The following MKX variants were observed in gnomAD, a reference collection of about 807,000 sequenced individuals.
MKX encodes the protein mohawk homeobox, also known as homeobox protein Mohawk.
MKX carries 13 observed loss-of-function variants against 36.0 expected under a neutral mutation model. The observed-to-expected ratio is 0.36, with a 90% CI of 0.24 to 0.57. The LOEUF is 0.57. Ranked by LOEUF, MKX falls within the 20% of genes least tolerant of loss-of-function variation. The pLI, the probability that MKX is intolerant of heterozygous loss-of-function variation, is 0.79. For missense variants in MKX, 458 were observed against 456.4 expected, an observed-to-expected ratio of 1.00 and a Z score of -0.03; for synonymous variants, 176 against 178.3, an observed-to-expected ratio of 0.99 and a Z score of 0.10.
intron 5 of MKX, among the ~76,000 whole-genome samples, chr10:27,730,706 C>T (rs1331626975): frequency 6.6e-6 from 1 of 151,846 alleles, no homozygotes; most frequent in Non-Finnish European, 1.5e-5. Flanking sequence ...GATCTGCCTG[C>T]CTCGGCCTCC....
chr10:27,697,663 AT>A (rs1471436701), intron 5 of MKX, among the ~76,000 whole-genome samples: 1 of 152,226 alleles, frequency 6.6e-6, no homozygotes, highest in African/African-American at 2.4e-5. Context: ...TCACAGGTTC[AT>A]TGGTTTATTC....
At position 27,675,167 on chromosome 10, in the gene MKX, A is replaced by T; in HGVS notation, c.*62T>A. On this transcript the variant is annotated 3_prime_UTR_variant, in exon 7 of 7. Coordinates refer to ENST00000419761, the MANE Select transcript of MKX (RefSeq NM_173576.3). ...CATTTTCATCCCTGCTTCGGCTCTT[A>T]GGATGAGGGTTGATGAAAACACCGG... The T allele has an allele frequency of 6.6e-7, 1 of 1,505,206 alleles. No homozygotes were observed. Among genetic ancestry groups the T allele is most frequent in the Non-Finnish European group, 9.0e-7 (1 of 1,108,308 alleles). The allele number at this position is 1,505,206 out of a possible 1,614,324, so 93.2% of individuals were successfully genotyped here. A position where few individuals can be genotyped will look rare whatever the true frequency, so the allele number is the denominator to read the frequency against.
At chr10:27,689,664 A>T (rs1836418082) in intron 5 of MKX, among the ~76,000 whole-genome samples, 1 of 152,196 alleles carries the variant, frequency 6.6e-6, no homozygotes, top group Non-Finnish European at 1.5e-5. Context: ...CTAGTCTAGC[A>T]GTCCTCCCAT....
At chr10:27,727,763 A>G (rs1396511290) in intron 5 of MKX, among the ~76,000 whole-genome samples, 1 of 152,188 alleles carries the variant, frequency 6.6e-6, no homozygotes, top group Non-Finnish European at 1.5e-5. Context: ...CAAGTTTCCG[A>G]TTGTGATTAA....
chr10:27,743,444 G>C lies in MKX; in HGVS notation c.-29C>G, dbSNP rs773326419. 17 of 1,513,120 alleles carry C rather than the reference G, an allele frequency of 1.1e-5. No homozygotes were observed. The highest frequency in any genetic ancestry group is 1.0e-4 in the African/African-American group (7 of 69,912). The allele number at this position is 1,513,120 out of a possible 1,614,324, so 93.7% of individuals were successfully genotyped here. A position where few individuals can be genotyped will look rare whatever the true frequency, so the allele number is the denominator to read the frequency against. On this transcript the variant is annotated 5_prime_UTR_variant, in exon 2 of 7. Coordinates refer to ENST00000419761, the MANE Select transcript of MKX (RefSeq NM_173576.3). ...GTCGGTTGGTAGGGACGCGCGGCGC[G>C]GCCGCAGAGCCTCGGGGCTGGGCCG...
chr10:27,716,636 A>G (rs1191770411), intron 5 of MKX, among the ~76,000 whole-genome samples: 4 of 152,058 alleles, frequency 2.6e-5, no homozygotes, highest in Admixed American at 6.6e-5. Flanking sequence ...GGATTTGATT[A>G]CTCCATTTAT....
chr10:27,690,472 T>C (rs1452110888), intron 5 of MKX, among the ~76,000 whole-genome samples: 4 of 152,192 alleles, frequency 2.6e-5, no homozygotes, highest in Admixed American at 6.5e-5. Context: ...GCTTATACAG[T>C]ATTTGTCTGA....
chr10:27,686,319 G>A (rs903755296), intron 5 of MKX, among the ~76,000 whole-genome samples: 13 of 149,984 alleles, frequency 8.7e-5, no homozygotes, highest in African/African-American at 2.7e-4. Context: ...AGAGGCATCC[G>A]AAATTATTTC....
chr10:27,741,193 T>G lies in MKX; in HGVS notation c.348+152A>C, dbSNP rs908039014. On this transcript the variant is annotated intron_variant, in intron 3 of 6. Coordinates refer to ENST00000419761, the MANE Select transcript of MKX (RefSeq NM_173576.3). This position sits in a 1 kb window ranked among gnomAD's most constrained non-coding sequence, Gnocchi z 5.1. ...GGAGCATCTGCACTGAACTGAGGGA[T>G]GAGGGTGAGAGGTAATTCAGAAACT... 1.1e-6 allele frequency: 1 copy of G among 894,098 alleles called. No homozygotes were observed. The highest frequency in any genetic ancestry group is 1.7e-6 in the Non-Finnish European group (1 of 580,644). The allele number at this position is 894,098 out of a possible 1,614,324, so 55.4% of individuals were successfully genotyped here.
Position 27,675,387 on chromosome 10 carries a change from C to A in MKX, c.901G>T (p.Asp301Tyr). Reference protein sequence around the residue: ...SAANRKGPSKDDTYWKEINAA... With the variant: ...SAANRKGPSKYDTYWKEINAA... ...TTGATCTCCTTCCAATACGTGTCAT[C>A]CTTGCTTGGTCCTTTTCTGTTAGCT... The change falls in exon 7 of 7, where the codon GAT becomes TAT. Residue 301 changes from aspartate (D) to tyrosine (Y), a missense_variant. Physicochemically the swap from Asp to Tyr is radical, Grantham distance 160 (BLOSUM62 -3). Coordinates refer to ENST00000419761, the MANE Select transcript of MKX (RefSeq NM_173576.3). The A allele has an allele frequency of 1.9e-6, 3 of 1,614,168 alleles. No homozygotes were observed. Among genetic ancestry groups the A allele is most frequent in the Non-Finnish European group, 2.5e-6 (3 of 1,180,042 alleles).
At chr10:27,702,007 T>A (rs1836667602) in intron 5 of MKX, among the ~76,000 whole-genome samples, 1 of 151,898 alleles carries the variant, frequency 6.6e-6, no homozygotes, top group Admixed American at 6.6e-5. Flanking sequence ...CCTACCAATC[T>A]CCAGGAGAGA....
At chr10:27,719,452 C>A (rs1053059931) in intron 5 of MKX, among the ~76,000 whole-genome samples, 1 of 152,068 alleles carries the variant, frequency 6.6e-6, no homozygotes, top group African/African-American at 2.4e-5. Flanking sequence ...CTTTCTGGGT[C>A]ATCTAACCGC....
rs562004381 is a variant in MKX at position 27,742,299 on chromosome 10, G to C, written c.189-795C>G. Reference sequence around the variant, plus strand: ...CCCTCACGGGTCCGGGAGGTGTCGCGCGCGGCCGCCAGCGAGCCCAGCCGC... The same window carrying C: ...CCCTCACGGGTCCGGGAGGTGTCGCCCGCGGCCGCCAGCGAGCCCAGCCGC... On this transcript the variant is annotated intron_variant, in intron 2 of 6. Coordinates refer to ENST00000419761, the MANE Select transcript of MKX (RefSeq NM_173576.3). This position sits in a 1 kb window ranked among gnomAD's most constrained non-coding sequence, Gnocchi z 4.2. 1.1e-3 allele frequency among the ~76,000 whole-genome samples: 174 copies of C among 152,252 alleles called. No individual in the cohort carries two copies. Among genetic ancestry groups the C allele is most frequent in the African/African-American group, 3.9e-3 (164 of 41,570 alleles).
chr10:27,695,361 T>C (rs1434207801), intron 5 of MKX, among the ~76,000 whole-genome samples: 1 of 151,594 alleles, frequency 6.6e-6, no homozygotes, highest in East Asian at 1.9e-4. Flanking sequence ...CTCTGGGCAA[T>C]GTTAATTACA....
At chr10:27,701,471 TA>T (rs1479833372) in intron 5 of MKX, among the ~76,000 whole-genome samples, 1 of 146,058 alleles carries the variant, frequency 6.8e-6, no homozygotes, top group African/African-American at 2.5e-5. Flanking sequence ...AAATTATATA[TA>T]AAAGGTGTAT....
intron 5 of MKX, among the ~76,000 whole-genome samples, chr10:27,711,499 T>TCTCTCTC (rs1554772224): frequency 2.1e-5 from 2 of 93,076 alleles, no homozygotes; most frequent in African/African-American, 1.0e-4. Context: ...CTCTCTCTTC[T>TCTCTCTC]TTCCTTCCTT....
At chr10:27,716,851 ACGTTC>A (rs1460684274) in intron 5 of MKX, among the ~76,000 whole-genome samples, 1 of 152,176 alleles carries the variant, frequency 6.6e-6, no homozygotes, top group Non-Finnish European at 1.5e-5. Context: ...TGAATATGTT[ACGTTC>A]CATGTTAAAA....
intron 5 of MKX, among the ~76,000 whole-genome samples, chr10:27,685,014 C>A (rs1836318051): frequency 6.6e-6 from 1 of 152,132 alleles, no homozygotes; most frequent in Non-Finnish European, 1.5e-5. Flanking sequence ...GGTTAAATGC[C>A]TGCAATGACC....
chr10:27,739,924 A>G (rs1834857588), intron 3 of MKX, among the ~76,000 whole-genome samples: 1 of 152,176 alleles, frequency 6.6e-6, no homozygotes, highest in Non-Finnish European at 1.5e-5. Context: ...GACTGGAATA[A>G]TTTATTTCAA....
Sources: gnomAD v4.1 joint callset for allele counts (sites outside exome capture counted in the v4.1 genomes callset) on GRCh38, gnomAD v4.1.1 for gene constraint, Gnocchi (gnomAD v3.1) non-coding constraint, MANE v1.5 for transcripts, NCBI Gene and HGNC (gene_info 2026-07-23, HGNC 2026-07-21) for gene names.